Variants in TTBK2 observed in about 807,000 individuals in gnomAD.
The protein encoded by TTBK2 is tau tubulin kinase 2, also known as tau-tubulin kinase 2.
Under a neutral mutation model 110.8 loss-of-function variants are expected in TTBK2, and 28 were observed. The observed-to-expected ratio is 0.25, with a 90% CI of 0.19 to 0.35. The LOEUF is 0.35. Among genes scored for constraint, TTBK2 ranks in the 10% least tolerant of loss-of-function variants. The probability of loss-of-function intolerance (pLI) is 1.00; values close to 1 mark genes in which losing one functional copy is unlikely to be tolerated. For missense variants in TTBK2, 1,369 were observed against 1,500.3 expected, an observed-to-expected ratio of 0.91 and a Z score of 1.45; for synonymous variants, 532 against 527.3, an observed-to-expected ratio of 1.01 and a Z score of -0.12.
At position 42,864,650 on chromosome 15, in the gene TTBK2, T is replaced by C. The variant is rs191793355; in HGVS notation, c.217+7961A>G. On this transcript the variant is annotated intron_variant, in intron 3 of 14. Coordinates refer to ENST00000267890, the MANE Select transcript of TTBK2 (RefSeq NM_173500.4). ...AACATAGATTCTGTACCCCCCAAAA[T>C]TATCCTTCAGAAATGAAGGAGAAAT... Among the ~76,000 whole-genome samples, 10 of 152,080 alleles carry C rather than the reference T, an allele frequency of 6.6e-5. No individual in the cohort carries two copies. In the East Asian group the frequency reaches 1.9e-3, roughly 29 times the overall value.
At chr15:42,802,151 G>A (rs770383789) in intron 9 of TTBK2, 46 of 1,402,572 alleles carry the variant, frequency 3.3e-5, no homozygotes, top group African/African-American at 1.4e-4. Flanking sequence ...TCCTGGGTGC[G>A]CACGGCCTGG....
intron 14 of TTBK2, among the ~76,000 whole-genome samples, chr15:42,748,034 CAATT>C (rs1378450377): frequency 1.3e-5 from 2 of 152,124 alleles, no homozygotes; most frequent in East Asian, 1.9e-4. Context: ...ATATAAAACA[CAATT>C]AATAAAAAAT....
chr15:42,801,436 G>C lies in TTBK2; in HGVS notation c.823-6635C>G, dbSNP rs545081746. 7 of 910,906 alleles carry C rather than the reference G, an allele frequency of 7.7e-6. No homozygotes were observed. The African/African-American group carries it at 9.7e-5, about 13-fold the overall frequency. 56.4% of individuals were successfully genotyped at this position (910,906 alleles called of 1,614,324 possible). ...TGGCAGCCTCCAGGGAAGCCCTCTG[G>C]CCTTTGAGACCCTCAGTCTCAGCTT... On this transcript the variant is annotated intron_variant, in intron 9 of 14. Transcript: ENST00000267890.
intron 13 of TTBK2, among the ~76,000 whole-genome samples, chr15:42,766,463 AAAAAG>A (rs1889382247): frequency 6.8e-6 from 1 of 147,312 alleles, no homozygotes; most frequent in South Asian, 2.1e-4. Context: ...AAAAAAAAAA[AAAAAG>A]CAAGGGTTGC....
intron 10 of TTBK2, among the ~76,000 whole-genome samples, chr15:42,788,771 T>C (rs1890515898): frequency 6.6e-6 from 1 of 152,332 alleles, no homozygotes; most frequent in African/African-American, 2.4e-5. Context: ...TGTGTGTCTC[T>C]TATACACAGC....
chr15:42,840,308 A>G (rs1893164990), intron 4 of TTBK2, 52 bp downstream of exon 4: 8 of 1,439,236 alleles, frequency 5.6e-6, no homozygotes, highest in South Asian at 2.3e-5. Flanking sequence ...CTGTAATTGT[A>G]TACTTTGATC....
At chr15:42,904,433 T>C (rs915015537) in intron 1 of TTBK2, among the ~76,000 whole-genome samples, 5 of 152,162 alleles carry the variant, frequency 3.3e-5, no homozygotes, top group Admixed American at 6.5e-5. Context: ...AAAATCTTGG[T>C]GCAAGAACAC....
At chr15:42,766,993 A>G in intron 13 of TTBK2, among the ~76,000 whole-genome samples, 1 of 152,208 alleles carries the variant, frequency 6.6e-6, no homozygotes, top group Non-Finnish European at 1.5e-5. Flanking sequence ...TCAAAACTGC[A>G]CAACTACATG....
intron 6 of TTBK2, among the ~76,000 whole-genome samples, chr15:42,818,306 G>A (rs574424904): frequency 3.9e-5 from 6 of 152,294 alleles, no homozygotes; most frequent in Admixed American, 3.3e-4. Flanking sequence ...CTGTGCGGGC[G>A]AGGTCTTTGT....
intron 13 of TTBK2, among the ~76,000 whole-genome samples, chr15:42,757,872 A>G (rs2061969377): frequency 6.6e-6 from 1 of 152,164 alleles, no homozygotes. Context: ...AAAGGATCTC[A>G]ATATTTTCCA....
chr15:42,887,858 T>C (rs12913586), intron 1 of TTBK2, among the ~76,000 whole-genome samples: 64,034 of 151,904 alleles, frequency 0.42, 16,234 homozygotes, highest in African/African-American at 0.71. Flanking sequence ...ACAGACAGCC[T>C]CCATTACTTC....
chr15:42,813,898 A>T (rs901783164), intron 7 of TTBK2, among the ~76,000 whole-genome samples: 1 of 152,140 alleles, frequency 6.6e-6, no homozygotes, highest in Non-Finnish European at 1.5e-5. Flanking sequence ...AGTAACAAAG[A>T]TGTTCTCAAC....
At position 42,801,104 on chromosome 15, in the gene TTBK2, G is replaced by A. The variant is rs748484212; in HGVS notation, c.823-6303C>T. On this transcript the variant is annotated intron_variant, in intron 9 of 14. Transcript: ENST00000267890. ...CAGAGCCAAAGCTGGAGCCCAGGCCGTAGCTGAGGCCAGGGCTTGTGAGGC... is the reference window on the plus strand; with the variant it reads ...CAGAGCCAAAGCTGGAGCCCAGGCCATAGCTGAGGCCAGGGCTTGTGAGGC... The A allele has an allele frequency of 2.4e-5, 20 of 841,752 alleles. 1 individual carries two copies. The highest frequency in any genetic ancestry group is 2.3e-4 in the Middle Eastern group (1 of 4,328). The allele number at this position is 841,752 out of a possible 1,614,324, so 52.1% of individuals were successfully genotyped here.
intron 4 of TTBK2, among the ~76,000 whole-genome samples, chr15:42,836,121 T>A (rs1266938612): frequency 6.6e-6 from 1 of 151,920 alleles, no homozygotes; most frequent in Non-Finnish European, 1.5e-5. Flanking sequence ...AAATACTAGG[T>A]GAGACCTGGC....
intron 12 of TTBK2, 87 bp downstream of exon 12, chr15:42,776,944 C>A: frequency 7.1e-7 from 1 of 1,416,986 alleles, no homozygotes; most frequent in Non-Finnish European, 9.8e-7. Context: ...CTTTATGTAA[C>A]AGAAATATAC....
intron 13 of TTBK2, among the ~76,000 whole-genome samples, chr15:42,753,943 A>T (rs2061904866): frequency 6.6e-6 from 1 of 152,204 alleles, no homozygotes; most frequent in Admixed American, 6.5e-5. Flanking sequence ...ATTATTGGCA[A>T]ATAATTGTTC....
chr15:42,879,992 G>C (rs1236532735), intron 1 of TTBK2, among the ~76,000 whole-genome samples: 1 of 133,680 alleles, frequency 7.5e-6, no homozygotes, highest in Non-Finnish European at 1.6e-5. Flanking sequence ...AGAAGATCCT[G>C]TCTCAAAAAA....
At position 42,746,131 on chromosome 15, in the gene TTBK2, A is replaced by G. The variant is rs199871212; in HGVS notation, c.3399T>C (p.Ser1133=). 2 of 1,614,106 alleles carry G rather than the reference A, an allele frequency of 1.2e-6. No individual in the cohort carries two copies. Among genetic ancestry groups the G allele is most frequent in the Non-Finnish European group, 1.7e-6 (2 of 1,180,026 alleles). The change falls in exon 15 of 15, where the codon TCT becomes TCC. Residue 1133 remains serine, a synonymous_variant. Coordinates refer to ENST00000267890, the MANE Select transcript of TTBK2 (RefSeq NM_173500.4). ...RSTTQCKSPG[S]PHNPKTPPKS... ...TGGGTGGTGTTTTTGGATTGTGAGG[A>G]GATCCTGGACTCTTGCACTGAGTAG...
intron 6 of TTBK2, among the ~76,000 whole-genome samples, chr15:42,822,784 C>T (rs1054776381): frequency 2.0e-5 from 3 of 152,078 alleles, no homozygotes; most frequent in Non-Finnish European, 4.4e-5. Flanking sequence ...AACAGATAGC[C>T]TGAAAGGAGA....
Sources: gnomAD v4.1 joint callset for allele counts (sites outside exome capture counted in the v4.1 genomes callset) on GRCh38, gnomAD v4.1.1 for gene constraint, MANE v1.5 for transcripts, NCBI Gene and HGNC (gene_info 2026-07-23, HGNC 2026-07-21) for gene names.